Variants in ZFC3H1 observed in about 807,000 individuals in gnomAD.
ZFC3H1 encodes the protein zinc finger C3H1 domain-containing protein.
Under a neutral mutation model 243.7 loss-of-function variants are expected in ZFC3H1, and 71 were observed. The observed-to-expected ratio is 0.29, with a 90% CI of 0.24 to 0.36. ZFC3H1 has a LOEUF of 0.36. Ranked by LOEUF, ZFC3H1 falls within the 10% of genes least tolerant of loss-of-function variation. The pLI is 1.00. For missense variants in ZFC3H1, 1,966 were observed against 2,317.1 expected (o/e 0.85, Z 3.11); for synonymous variants, 838 against 813.0 (o/e 1.03, Z -0.52).
At position 71,630,971 on chromosome 12, in the gene ZFC3H1, G is replaced by C. The variant is rs1445073078; in HGVS notation, c.3471-17C>G. 6.3e-7 allele frequency: 1 copy of C among 1,590,082 alleles called. No homozygotes were observed. The highest frequency in any genetic ancestry group is 8.6e-7 in the Non-Finnish European group (1 of 1,164,994). ...GGACTAAATCTAAGGTGAAGAGAGT[G>C]AACAGGTATATTATGCCCAACAAAC... On this transcript the variant is annotated splice_polypyrimidine_tract_variant and intron_variant, in intron 16 of 34. Transcript: ENST00000378743.
At chr12:71,623,963 C>G (rs995991309) in intron 23 of ZFC3H1, 141 bp downstream of exon 23, 1 of 821,412 alleles carries the variant, frequency 1.2e-6, no homozygotes, top group Admixed American at 2.6e-5. Context: ...CCCAATGTCA[C>G]ATGACTTACT....
chr12:71,636,686 C>T (rs1334806738), intron 8 of ZFC3H1, 32 bp from the exon 9 acceptor site: 5 of 1,575,970 alleles, frequency 3.2e-6, no homozygotes, highest in Non-Finnish European at 4.3e-6. Context: ...ATTAAACATT[C>T]CTAAATAAAA....
At chr12:71,626,546 C>T (rs1244926102) in intron 21 of ZFC3H1, 100 bp from the exon 22 acceptor site, 7 of 1,047,544 alleles carry the variant, frequency 6.7e-6, no homozygotes, top group South Asian at 2.2e-5. Flanking sequence ...CCATTTTCTA[C>T]TAGAATTTAC....
chr12:71,618,844 G>T (rs1289328633), intron 27 of ZFC3H1, among the ~76,000 whole-genome samples: 1 of 152,130 alleles, frequency 6.6e-6, no homozygotes, highest in Non-Finnish European at 1.5e-5. Flanking sequence ...TAATGGTTGA[G>T]AAAAGAATCC....
intron 3 of ZFC3H1, among the ~76,000 whole-genome samples, chr12:71,647,517 T>A (rs530011422): frequency 1.3e-5 from 2 of 152,046 alleles, no homozygotes; most frequent in African/African-American, 4.8e-5. Context: ...AAAAAAAAGA[T>A]CCCGTATGAA....
intron 32 of ZFC3H1, 186 bp from the exon 33 acceptor site, chr12:71,611,283 A>G: frequency 6.6e-6 from 3 of 455,938 alleles, no homozygotes; most frequent in Non-Finnish European, 1.0e-5. Context: ...AAATTCAACA[A>G]TTTTTATCAA....
At chr12:71,638,117 T>C (rs1260303074) in intron 7 of ZFC3H1, among the ~76,000 whole-genome samples, 1 of 152,086 alleles carries the variant, frequency 6.6e-6, no homozygotes, top group African/African-American at 2.4e-5. Context: ...TCCAAAACAG[T>C]AGATAACTTC....
At chr12:71,633,651 A>T (rs543176689) in intron 12 of ZFC3H1, among the ~76,000 whole-genome samples, 3 of 147,606 alleles carry the variant, frequency 2.0e-5, no homozygotes, top group East Asian at 1.9e-4. Flanking sequence ...CTGATCTTTT[A>T]AAAAAAAAAA....
intron 1 of ZFC3H1, among the ~76,000 whole-genome samples, chr12:71,658,374 C>T (rs1412982800): frequency 1.3e-5 from 2 of 149,782 alleles, no homozygotes; most frequent in Non-Finnish European, 3.0e-5. Context: ...CTGCAACCTC[C>T]GTCTCCCAGG....
chr12:71,653,752 A>C (rs1458716967), intron 2 of ZFC3H1, among the ~76,000 whole-genome samples: 1 of 152,268 alleles, frequency 6.6e-6, no homozygotes, highest in African/African-American at 2.4e-5. Context: ...GTGGTGGCTC[A>C]TGCCTGTAAT....
intron 34 of ZFC3H1, 63 bp from the exon 35 acceptor site, chr12:71,610,628 T>C: frequency 6.2e-7 from 1 of 1,612,128 alleles, no homozygotes; most frequent in East Asian, 2.2e-5. Context: ...ACCACATCAA[T>C]GGATATGGCA....
intron 4 of ZFC3H1, 43 bp from the exon 5 acceptor site, chr12:71,644,361 T>C (rs1353923410): frequency 1.3e-6 from 2 of 1,566,310 alleles, no homozygotes; most frequent in South Asian, 1.2e-5. Flanking sequence ...TGTTAGGAGA[T>C]AAAAGAAAAA....
At chr12:71,635,106 G>A (rs1880428037) in intron 10 of ZFC3H1, among the ~76,000 whole-genome samples, 1 of 152,028 alleles carries the variant, frequency 6.6e-6, no homozygotes, top group Non-Finnish European at 1.5e-5. Context: ...TGTACTTAGA[G>A]AATACATTTT....
intron 27 of ZFC3H1, 100 bp from the exon 28 acceptor site, chr12:71,615,416 A>G: frequency 1.3e-6 from 1 of 787,266 alleles, no homozygotes; most frequent in Non-Finnish European, 2.0e-6. Flanking sequence ...AATTTCATTG[A>G]AATATTTTTT....
chr12:71,662,797 A>C (rs1215055746), intron 1 of ZFC3H1, among the ~76,000 whole-genome samples: 1 of 152,154 alleles, frequency 6.6e-6, no homozygotes, highest in Non-Finnish European at 1.5e-5. Context: ...GCTTAACCCA[A>C]TCCACAGCAC....
intron 2 of ZFC3H1, among the ~76,000 whole-genome samples, chr12:71,653,203 T>C (rs1052865514): frequency 6.6e-6 from 1 of 152,066 alleles, no homozygotes; most frequent in African/African-American, 2.4e-5. Flanking sequence ...TCAAAGTGAT[T>C]TGAAAACAAA....
chr12:71,619,745 T>C (rs1367811685), intron 26 of ZFC3H1, among the ~76,000 whole-genome samples, 181 bp downstream of exon 26: 1 of 152,110 alleles, frequency 6.6e-6, no homozygotes, highest in Non-Finnish European at 1.5e-5. Context: ...TAGTATAGTA[T>C]ATATTAAAGC....
chr12:71,624,493 G>A (rs1327682796), intron 22 of ZFC3H1, among the ~76,000 whole-genome samples: 1 of 152,190 alleles, frequency 6.6e-6, no homozygotes, highest in Non-Finnish European at 1.5e-5. Flanking sequence ...AGTGGAATCA[G>A]ATGAAAACTA....
rs1032411267 is a variant in ZFC3H1, at chr12:71,614,634, A to G, written c.5427T>C (p.Phe1809=). Residue 1809 remains phenylalanine (F), a synonymous_variant, in exon 30 of 35, where the codon TTT becomes TTC. Transcript: ENST00000378743. The part of the protein sequence containing the change: ...SRNKVQEFKF[F]TDLVNRCLVT... Reference sequence around the variant, plus strand: ...CCAAACATCTATTCACTAAATCAGTAAAAAATTTGAATTCTTGAACTTTGT... The same window carrying G: ...CCAAACATCTATTCACTAAATCAGTGAAAAATTTGAATTCTTGAACTTTGT... The G allele has an allele frequency of 1.9e-6, 3 of 1,613,444 alleles. No homozygotes were observed. The Admixed American group carries it at 5.0e-5, about 27-fold the overall frequency.
Sources: gnomAD v4.1 joint callset for allele counts (sites outside exome capture counted in the v4.1 genomes callset) on GRCh38, gnomAD v4.1.1 for gene constraint, MANE v1.5 for transcripts, NCBI Gene and HGNC (gene_info 2026-07-23, HGNC 2026-07-21) for gene names.